Variants in KIRREL3 observed in about 807,000 individuals in gnomAD.
KIRREL3 encodes kirre like nephrin family adhesion molecule 3, also known as kin of IRRE-like protein 3.
Under a neutral mutation model 89.7 loss-of-function variants are expected in KIRREL3, and 36 were observed. The observed-to-expected ratio is 0.40, with a 90% CI of 0.31 to 0.53. The LOEUF (loss-of-function observed/expected upper bound fraction) is 0.53, where lower values mean the gene tolerates loss of function less well. Among genes scored for constraint, KIRREL3 ranks in the 20% least tolerant of loss-of-function variants. The pLI is 0.49. For missense variants in KIRREL3, 864 were observed against 1,056.6 expected (o/e 0.82, Z 2.53); for synonymous variants, 445 against 441.4 (o/e 1.01, Z -0.10).
At chr11:126,616,071 G>C (rs867956471) in intron 1 of KIRREL3, among the ~76,000 whole-genome samples, 1 of 152,212 alleles carries the variant, frequency 6.6e-6, no homozygotes, top group South Asian at 2.1e-4. Flanking sequence ...CTACGCGGCC[G>C]AGCATACGTG....
rs553960793 is a variant in KIRREL3, at chr11:126,797,396, G to A, written c.55+203059C>T. Among the ~76,000 whole-genome samples, 3 of 152,096 alleles carry A rather than the reference G, an allele frequency of 2.0e-5. No homozygotes were observed. Among genetic ancestry groups the A allele is most frequent in the South Asian group, 2.1e-4 (1 of 4,806 alleles). On this transcript the variant is annotated intron_variant, in intron 1 of 16. Coordinates refer to ENST00000525144, the MANE Select transcript of KIRREL3 (RefSeq NM_032531.4). This position sits in a 1 kb window ranked among gnomAD's most constrained non-coding sequence, Gnocchi z 4.9. ...ACTGGATGCTGATAGTTTTGGTGGC[G>A]CGGCTGTTATTGGTTGGAAGAATCT...
intron 1 of KIRREL3, chr11:126,941,049 A>G (rs1948425868): frequency 6.6e-6 from 1 of 152,182 alleles, no homozygotes; most frequent in African/African-American, 2.4e-5. Flanking sequence ...AACAACACAT[A>G]CGGGAGAATT....
chr11:126,459,605 G>A lies in KIRREL3; in HGVS notation c.743-3151C>T, dbSNP rs1397855736. ...ATTAAACATGATTTTAATCTCACTT[G>A]TGATGTCGGCAGCATAACTTGCAGG... On this transcript the variant is annotated intron_variant, in intron 6 of 16. Transcript: ENST00000525144. The surrounding 1 kb of genome is among the most constrained non-coding windows in gnomAD (Gnocchi z 4.8). Among the ~76,000 whole-genome samples, 1 of 152,228 alleles carries A rather than the reference G, an allele frequency of 6.6e-6. No homozygotes were observed. The highest frequency in any genetic ancestry group is 1.9e-4 in the East Asian group (1 of 5,196).
rs1958925319 is a variant in KIRREL3, at chr11:126,530,979, C to T, written c.134-4292G>A. Among the ~76,000 whole-genome samples, 1 of 152,174 alleles carries T rather than the reference C, an allele frequency of 6.6e-6. No individual in the cohort carries two copies. The highest frequency in any genetic ancestry group is 1.5e-5 in the Non-Finnish European group (1 of 68,028). On this transcript the variant is annotated intron_variant, in intron 2 of 16. Coordinates refer to ENST00000525144, the MANE Select transcript of KIRREL3 (RefSeq NM_032531.4). This position sits in a 1 kb window ranked among gnomAD's most constrained non-coding sequence, Gnocchi z 5.8. ...TTGAGTAGCTGGGATTACAGGCACT[C>T]ACCACCATGTCTGGTAATTTTTGTA...
At chr11:126,895,546 C>G (rs1946117873) in intron 1 of KIRREL3, among the ~76,000 whole-genome samples, 1 of 151,910 alleles carries the variant, frequency 6.6e-6, no homozygotes, top group African/African-American at 2.4e-5. Context: ...AAAGGAACTT[C>G]CAAAGCAATG....
rs1949653980 is a variant in KIRREL3, at chr11:126,978,999, T to C, written c.55+21456A>G. Among the ~76,000 whole-genome samples, 1 of 152,118 alleles carries C rather than the reference T, an allele frequency of 6.6e-6. No individual in the cohort carries two copies. Among genetic ancestry groups the C allele is most frequent in the Non-Finnish European group, 1.5e-5 (1 of 68,030 alleles). On this transcript the variant is annotated intron_variant, in intron 1 of 16. Transcript: ENST00000525144. The surrounding 1 kb of genome is among the most constrained non-coding windows in gnomAD (Gnocchi z 4.2). The stretch of plus-strand genomic sequence containing the variant: ...GGAAACATAATTTCAAGGGGGAGAA[T>C]GGCAAATGTACAACTCTCCAACAAA...
intron 1 of KIRREL3, among the ~76,000 whole-genome samples, chr11:126,868,063 T>TG (rs1214145791): frequency 8.5e-5 from 6 of 70,886 alleles, no homozygotes; most frequent in South Asian, 6.4e-4. Context: ...AGACTGGGGG[T>TG]GGGGGGTGGG....
chr11:126,735,193 A>G (rs73573438), intron 1 of KIRREL3, among the ~76,000 whole-genome samples: 1 of 152,050 alleles, frequency 6.6e-6, no homozygotes, highest in Admixed American at 6.5e-5. Context: ...AAAAGTTGTA[A>G]AATGTGCTTC....
intron 4 of KIRREL3, among the ~76,000 whole-genome samples, chr11:126,517,302 C>G (rs2134417045): frequency 6.6e-6 from 1 of 152,304 alleles, no homozygotes; most frequent in Middle Eastern, 3.4e-3. Context: ...CAAAGAGGCC[C>G]AGTTCCAGCC....
intron 2 of KIRREL3, among the ~76,000 whole-genome samples, chr11:126,533,997 G>A (rs988762736): frequency 6.6e-6 from 1 of 152,182 alleles, no homozygotes; most frequent in African/African-American, 2.4e-5. Context: ...CTCTCTATTG[G>A]TGTGAAAGGG....
chr11:126,457,036 T>C (rs1191250001), intron 6 of KIRREL3, among the ~76,000 whole-genome samples: 2 of 150,310 alleles, frequency 1.3e-5, no homozygotes, highest in Non-Finnish European at 3.0e-5. Context: ...TGCTAAATGG[T>C]GGGAAGGGGA....
rs749680956 is a variant in KIRREL3 at position 126,985,225 on chromosome 11, G to A, written c.55+15230C>T. Among the ~76,000 whole-genome samples, 17 of 152,236 alleles carry A rather than the reference G, an allele frequency of 1.1e-4. No homozygotes were observed. The highest frequency in any genetic ancestry group is 3.9e-4 in the East Asian group (2 of 5,176). On this transcript the variant is annotated intron_variant, in intron 1 of 16. Transcript: ENST00000525144. The surrounding 1 kb of genome is among the most constrained non-coding windows in gnomAD (Gnocchi z 5.3). Reference sequence around the variant, plus strand: ...GGTTTGCAAGTGAAATGCTGGGCACGGAAAGGTAGGAGTTGTCCAGAATCC... The same window carrying A: ...GGTTTGCAAGTGAAATGCTGGGCACAGAAAGGTAGGAGTTGTCCAGAATCC...
At position 126,890,911 on chromosome 11, in the gene KIRREL3, T is replaced by A. The variant is rs1945893805; in HGVS notation, c.55+109544A>T. On this transcript the variant is annotated intron_variant, in intron 1 of 16. Transcript: ENST00000525144. The surrounding 1 kb of genome is among the most constrained non-coding windows in gnomAD (Gnocchi z 5.1). ...TTCAACCTGAGCCTCAGCTCCCTGA[T>A]ATGTTAATTCCCAGGCTGATTCCAG... is the stretch of plus-strand genomic sequence containing the variant. 6.6e-6 allele frequency among the ~76,000 whole-genome samples: 1 copy of A among 152,240 alleles called. No homozygotes were observed. The highest frequency in any genetic ancestry group is 1.5e-5 in the Non-Finnish European group (1 of 68,038).
chr11:126,820,811 T>G (rs375275419), intron 1 of KIRREL3, among the ~76,000 whole-genome samples: 4 of 152,136 alleles, frequency 2.6e-5, no homozygotes, highest in Non-Finnish European at 5.9e-5. Flanking sequence ...TCACTGGCCG[T>G]TATAGCTGTG....
In KIRREL3 at chr11:126,990,579, A is replaced by AGCCTT. The variant is rs1950008642; in HGVS notation, c.55+9871_55+9875dup. Among the ~76,000 whole-genome samples, 1 of 152,086 alleles carries AGCCTT rather than the reference A, an allele frequency of 6.6e-6. No homozygotes were observed. The highest frequency in any genetic ancestry group is 1.5e-5 in the Non-Finnish European group (1 of 68,010). On this transcript the variant is annotated intron_variant, in intron 1 of 16. Transcript: ENST00000525144. This position sits in a 1 kb window ranked among gnomAD's most constrained non-coding sequence, Gnocchi z 6.3. Reference sequence around the variant, plus strand: ...ACCATCAGGCTGACTGAGGCACTGCAGCCTTCACCTGGCGTCAGGGCCCAA... The same window carrying AGCCTT: ...ACCATCAGGCTGACTGAGGCACTGCAGCCTTGCCTTCACCTGGCGTCAGGGCCCAA...
rs963077175 is a variant in KIRREL3, at chr11:126,796,343, G to GCAC, written c.55+204111_55+204112insGTG. 7.9e-5 allele frequency among the ~76,000 whole-genome samples: 12 copies of GCAC among 152,332 alleles called. No homozygotes were observed. The highest frequency in any genetic ancestry group is 2.9e-4 in the African/African-American group (12 of 41,562). On this transcript the variant is annotated intron_variant, in intron 1 of 16. Coordinates refer to ENST00000525144, the MANE Select transcript of KIRREL3 (RefSeq NM_032531.4). This position sits in a 1 kb window ranked among gnomAD's most constrained non-coding sequence, Gnocchi z 5.1. ...TGATCCCAGACTGGGCTGACCCAGG[G>GCAC]CATCAGGGCTGGGGATTGTCTTGGA... is the stretch of plus-strand genomic sequence containing the variant.
intron 4 of KIRREL3, among the ~76,000 whole-genome samples, chr11:126,510,757 G>A (rs946178438): frequency 1.2e-4 from 18 of 152,184 alleles, no homozygotes; most frequent in African/African-American, 4.1e-4. Context: ...GTCTTTTACA[G>A]GCACTGCGTC....
chr11:126,901,730 C>A (rs564510574), intron 1 of KIRREL3, among the ~76,000 whole-genome samples: 2 of 152,306 alleles, frequency 1.3e-5, no homozygotes, highest in Admixed American at 6.5e-5. Flanking sequence ...CATTCATCTC[C>A]CCTACATGAC....
In KIRREL3 at chr11:126,521,277, C is replaced by T; in HGVS notation, c.433+38G>A. The T allele has an allele frequency of 6.7e-7, 1 of 1,486,476 alleles. No homozygotes were observed. The highest frequency in any genetic ancestry group is 9.0e-7 in the Non-Finnish European group (1 of 1,110,130). The allele number at this position is 1,486,476 out of a possible 1,614,324, so 92.1% of individuals were successfully genotyped here. A position where few individuals can be genotyped will look rare whatever the true frequency, so the allele number is the denominator to read the frequency against. On this transcript the variant is annotated intron_variant, in intron 4 of 16. Transcript: ENST00000525144. This position sits in a 1 kb window ranked among gnomAD's most constrained non-coding sequence, Gnocchi z 4.1. ...TCTTGGAGCTGAGCCCTTGGTGCTT[C>T]ACGCAGTGTCCCAGCCCCGTGTGCA...
Sources: allele counts gnomAD v4.1 joint callset (sites outside exome capture counted in the v4.1 genomes callset), GRCh38; gene constraint gnomAD v4.1.1; non-coding constraint Gnocchi (gnomAD v3.1); transcripts MANE v1.5; gene names NCBI Gene and HGNC (gene_info 2026-07-23, HGNC 2026-07-21).